Variants in TMEM51 observed in about 807,000 individuals in gnomAD.
TMEM51 encodes the protein chromosome 1 open reading frame 72.
A neutral mutation model predicts 13.6 loss-of-function variants in TMEM51; 8 were observed. The ratio of observed to expected loss-of-function variants is 0.59; its 90% CI spans 0.35 to 1.07. TMEM51 has a LOEUF of 1.07. TMEM51 is among the 50% of genes least tolerant of loss of function. The pLI, the probability that TMEM51 is intolerant of heterozygous loss-of-function variation, is 0.02. For missense variants in TMEM51, 279 were observed against 330.7 expected, an observed-to-expected ratio of 0.84 and a Z score of 1.21; for synonymous variants, 147 against 144.4, an observed-to-expected ratio of 1.02 and a Z score of -0.13.
intron 1 of TMEM51, among the ~76,000 whole-genome samples, chr1:15,201,996 C>T (rs955329858): frequency 9.2e-5 from 14 of 152,168 alleles, no homozygotes; most frequent in African/African-American, 2.7e-4. Context: ...TTAAAGTAAA[C>T]GTCAGTCTTG....
intron 1 of TMEM51, among the ~76,000 whole-genome samples, chr1:15,198,869 A>G (rs1644100544): frequency 6.6e-6 from 1 of 152,198 alleles, no homozygotes; most frequent in Non-Finnish European, 1.5e-5. Flanking sequence ...GGCAGGTGAC[A>G]TCTCACCTTG....
rs1488787522 is a variant in TMEM51, at chr1:15,179,264, G to A, written c.-267+25310G>A. On this transcript the variant is annotated intron_variant, in intron 1 of 3. Transcript: ENST00000376008. Reference sequence around the variant, plus strand: ...ACAGCTGCCTTTTTCACACAGGCTGGTACACAGAGGTTCAGAGCAGCATTA... The same window carrying A: ...ACAGCTGCCTTTTTCACACAGGCTGATACACAGAGGTTCAGAGCAGCATTA... 4.6e-5 allele frequency among the ~76,000 whole-genome samples: 7 copies of A among 152,236 alleles called. No individual in the cohort carries two copies. The East Asian group carries it at 1.2e-3, about 25-fold the overall frequency.
intron 1 of TMEM51, among the ~76,000 whole-genome samples, chr1:15,157,648 T>C (rs919675859): frequency 6.6e-5 from 10 of 152,050 alleles, no homozygotes; most frequent in Non-Finnish European, 1.3e-4. Flanking sequence ...GGGCCAAGGG[T>C]CCTGAAAGAT....
Position 15,186,703 on chromosome 1 carries a change from C to T in TMEM51, c.-266-23787C>T, listed in dbSNP as rs572368108. 6.6e-5 allele frequency among the ~76,000 whole-genome samples: 10 copies of T among 152,284 alleles called. No individual in the cohort carries two copies. In the East Asian group the frequency reaches 1.9e-3, roughly 29 times the overall value. On this transcript the variant is annotated intron_variant, in intron 1 of 3. Coordinates refer to ENST00000376008, the MANE Select transcript of TMEM51 (RefSeq NM_001136218.2). ...ACCACGAAGAGCCTTATGAGCAGGG[C>T]TTTATCCTGCTAGGCCATAGGGAGC...
intron 1 of TMEM51, among the ~76,000 whole-genome samples, chr1:15,184,858 GC>G (rs56359774): frequency 0.94 from 141,796 of 151,650 alleles, 66,343 homozygotes; most frequent in East Asian, 0.99. Context: ...ATTTTTGGTT[GC>G]CCCCAGCTGG....
intron 1 of TMEM51, chr1:15,171,158 G>C (rs1044721718): frequency 1.1e-5 from 14 of 1,302,280 alleles, no homozygotes; most frequent in Non-Finnish European, 1.4e-5. Flanking sequence ...TCTGAGTGGG[G>C]CCCCAGGATT....
chr1:15,202,184 G>A lies in TMEM51; in HGVS notation c.-266-8306G>A, dbSNP rs115659472. On this transcript the variant is annotated intron_variant, in intron 1 of 3. Transcript: ENST00000376008. ...AATGTAAACTTGGTAGAGGAGCACC[G>A]CCATGCCAAGCCTCCCTCCAACCTG... 6.8e-3 allele frequency among the ~76,000 whole-genome samples: 1,036 copies of A among 152,210 alleles called. 7 individuals are homozygous for A. Among genetic ancestry groups the A allele is most frequent in the African/African-American group, 0.024 (981 of 41,526 alleles).
At chr1:15,187,331 G>A (rs562689507) in intron 1 of TMEM51, among the ~76,000 whole-genome samples, 4 of 152,266 alleles carry the variant, frequency 2.6e-5, no homozygotes, top group Non-Finnish European at 5.9e-5. Flanking sequence ...ACTTCTGCTC[G>A]CTTTTCCCTC....
At chr1:15,214,169 C>T (rs902223824) in intron 2 of TMEM51, among the ~76,000 whole-genome samples, 1 of 152,026 alleles carries the variant, frequency 6.6e-6, no homozygotes, top group Admixed American at 6.6e-5. Flanking sequence ...CTGCTGTGTG[C>T]CAGGCTTAGA....
At chr1:15,171,220 C>T (rs1357575763) in intron 1 of TMEM51, 1 of 1,303,768 alleles carries the variant, frequency 7.7e-7, no homozygotes, top group Non-Finnish European at 1.0e-6. Context: ...TTTGGGGCCA[C>T]GCCTGGAAGA....
At chr1:15,157,847 T>A (rs1246201848) in intron 1 of TMEM51, among the ~76,000 whole-genome samples, 1 of 152,238 alleles carries the variant, frequency 6.6e-6, no homozygotes, top group African/African-American at 2.4e-5. Flanking sequence ...AAGTAGGTGC[T>A]CCTTGTAAAA....
At chr1:15,186,963 T>G in intron 1 of TMEM51, among the ~76,000 whole-genome samples, 1 of 152,140 alleles carries the variant, frequency 6.6e-6, no homozygotes, top group Non-Finnish European at 1.5e-5. Context: ...GGGAAACCAC[T>G]GGGAGGAATG....
intron 1 of TMEM51, among the ~76,000 whole-genome samples, chr1:15,208,604 C>A (rs1315140713): frequency 6.6e-6 from 1 of 152,072 alleles, no homozygotes; most frequent in Non-Finnish European, 1.5e-5. Context: ...AATATGCTGT[C>A]TCTAAAATAA....
intron 1 of TMEM51, among the ~76,000 whole-genome samples, chr1:15,176,803 A>G (rs1339388696): frequency 6.6e-6 from 1 of 152,212 alleles, no homozygotes; most frequent in African/African-American, 2.4e-5. Context: ...AAGTTCTGAT[A>G]GACACAGTGG....
At chr1:15,186,322 T>C (rs1246414871) in intron 1 of TMEM51, among the ~76,000 whole-genome samples, 1 of 152,096 alleles carries the variant, frequency 6.6e-6, no homozygotes. Flanking sequence ...GTGAATTGGA[T>C]GGACAGGAAA....
chr1:15,173,065 A>G (rs1643343740), intron 1 of TMEM51, among the ~76,000 whole-genome samples: 1 of 152,208 alleles, frequency 6.6e-6, no homozygotes, highest in Non-Finnish European at 1.5e-5. Context: ...GAACCGAATG[A>G]GGCCATGTGT....
chr1:15,214,853 CG>C, intron 2 of TMEM51, 41 bp from the exon 3 acceptor site: 1 of 537,508 alleles, frequency 1.9e-6, no homozygotes, highest in Non-Finnish European at 3.3e-6. Context: ...CGTCTGGAAT[CG>C]GAACTGATCG....
intron 1 of TMEM51, among the ~76,000 whole-genome samples, chr1:15,203,193 C>T (rs1374257788): frequency 6.6e-6 from 1 of 152,168 alleles, no homozygotes; most frequent in Non-Finnish European, 1.5e-5. Context: ...ATTCCTCCCT[C>T]GCATCCTTCA....
chr1:15,173,214 CTTTTTT>C (rs3078132), intron 1 of TMEM51, among the ~76,000 whole-genome samples: 5 of 97,014 alleles, frequency 5.2e-5, no homozygotes, highest in Non-Finnish European at 6.0e-5. Context: ...TGATCATATT[CTTTTTT>C]TTTTTTTTTT....
Sources: gnomAD v4.1 joint callset for allele counts (sites outside exome capture counted in the v4.1 genomes callset) on GRCh38, gnomAD v4.1.1 for gene constraint, MANE v1.5 for transcripts, NCBI Gene and HGNC (gene_info 2026-07-23, HGNC 2026-07-21) for gene names.